RGS6: variants seen among roughly 807,000 people sequenced by gnomAD.
The protein encoded by RGS6 is regulator of G protein signaling 6.
RGS6 carries 30 observed loss-of-function variants against 78.5 expected under a neutral mutation model. The observed-to-expected ratio is 0.38, with a 90% CI of 0.29 to 0.52. The LOEUF (loss-of-function observed/expected upper bound fraction) is 0.52. Among genes scored for constraint, RGS6 ranks in the 20% least tolerant of loss-of-function variants. The pLI is 0.85. For synonymous variants in RGS6, 206 were observed against 206.0 expected (o/e 1.00, Z 0.00); for missense variants, 495 against 609.7 (o/e 0.81, Z 1.98).
chr14:72,088,786 C>T (rs995374413), intron 2 of RGS6, among the ~76,000 whole-genome samples: 8 of 152,220 alleles, frequency 5.3e-5, no homozygotes, highest in Non-Finnish European at 8.8e-5. Context: ...TTCCCCTCCT[C>T]ATCATGCCTT....
At chr14:72,610,801 C>A in the RGS6 span, among the ~76,000 whole-genome samples, 1 of 152,156 alleles carries the variant, frequency 6.6e-6, no homozygotes, top group African/African-American at 2.4e-5. Flanking sequence ...CCTGAGGGCT[C>A]AGGGCCCACC....
chr14:72,260,820 A>G (rs187635959), intron 2 of RGS6, among the ~76,000 whole-genome samples: 1 of 152,356 alleles, frequency 6.6e-6, no homozygotes, highest in Non-Finnish European at 1.5e-5. Context: ...AAGTTGCTAG[A>G]GCAGCCTGTG....
At chr14:72,572,646 G>T in the RGS6 span, among the ~76,000 whole-genome samples, 1 of 151,868 alleles carries the variant, frequency 6.6e-6, no homozygotes, top group South Asian at 2.1e-4. Context: ...AGACAACAAG[G>T]TGGGGTGGAA....
chr14:72,415,478 T>C (rs1452396729), intron 3 of RGS6, among the ~76,000 whole-genome samples: 1 of 152,260 alleles, frequency 6.6e-6, no homozygotes, highest in African/African-American at 2.4e-5. Context: ...CCTGACCCCT[T>C]GCGCTTCCTG....
At chr14:72,305,338 G>A (rs533485991) in intron 2 of RGS6, among the ~76,000 whole-genome samples, 4 of 152,244 alleles carry the variant, frequency 2.6e-5, no homozygotes, top group South Asian at 4.1e-4. Context: ...TCCAGTCTGT[G>A]TAGGAGAATC....
chr14:71,951,276 A>G lies in RGS6; in HGVS notation c.-20-13496A>G, dbSNP rs187040845. On this transcript the variant is annotated intron_variant, in intron 1 of 17. Transcript: ENST00000553525. Reference sequence around the variant, plus strand: ...TTGCAGGGTCGTGGATGGAGCGGAAATCCATTATCCCCAGCAAACAAACGC... The same window carrying G: ...TTGCAGGGTCGTGGATGGAGCGGAAGTCCATTATCCCCAGCAAACAAACGC... 6.6e-5 allele frequency among the ~76,000 whole-genome samples: 10 copies of G among 152,278 alleles called. No individual in the cohort carries two copies. The East Asian group carries it at 1.7e-3, about 26-fold the overall frequency.
intron 2 of RGS6, among the ~76,000 whole-genome samples, chr14:72,090,981 A>G (rs2095250343): frequency 7.2e-6 from 1 of 139,136 alleles, no homozygotes; most frequent in South Asian, 2.5e-4. Flanking sequence ...TTGCCCTATC[A>G]CCTTTAGTGA....
intron 6 of RGS6, among the ~76,000 whole-genome samples, chr14:72,463,784 G>T (rs888214209): frequency 6.6e-6 from 1 of 152,216 alleles, no homozygotes; most frequent in Non-Finnish European, 1.5e-5. Context: ...CCTGCCTGAG[G>T]TTGTCCCTAA....
At chr14:72,227,364 C>T (rs776772510) in intron 2 of RGS6, among the ~76,000 whole-genome samples, 6 of 152,198 alleles carry the variant, frequency 3.9e-5, no homozygotes, top group Non-Finnish European at 7.3e-5. Flanking sequence ...ATCCTCTCCC[C>T]TCAACCTCCT....
At chr14:72,037,464 C>A (rs996838826) in intron 2 of RGS6, among the ~76,000 whole-genome samples, 1 of 152,156 alleles carries the variant, frequency 6.6e-6, no homozygotes, top group Non-Finnish European at 1.5e-5. Context: ...GGAACAAACT[C>A]CAGACACACC....
At chr14:71,997,391 A>G (rs950120765) in intron 2 of RGS6, among the ~76,000 whole-genome samples, 1 of 152,192 alleles carries the variant, frequency 6.6e-6, no homozygotes, top group African/African-American at 2.4e-5. Context: ...TTTGAGATAC[A>G]GGTTTGAACA....
intron 12 of RGS6, among the ~76,000 whole-genome samples, chr14:72,492,629 C>T (rs189724487): frequency 6.6e-6 from 1 of 152,274 alleles, no homozygotes; most frequent in East Asian, 1.9e-4. Flanking sequence ...CTTCCATTCT[C>T]CTTTAGTTCA....
intron 2 of RGS6, among the ~76,000 whole-genome samples, chr14:72,270,776 G>A (rs2059815995): frequency 1.3e-5 from 2 of 152,144 alleles, no homozygotes; most frequent in African/African-American, 4.8e-5. Context: ...TACCTTTCAC[G>A]CAGTTACACC....
chr14:72,435,475 T>A (rs1023902339), intron 3 of RGS6, among the ~76,000 whole-genome samples: 1 of 152,208 alleles, frequency 6.6e-6, no homozygotes, highest in Non-Finnish European at 1.5e-5. Flanking sequence ...CAAAGATGTG[T>A]GTATGAGTTT....
intron 2 of RGS6, among the ~76,000 whole-genome samples, chr14:72,078,147 T>G (rs1008690511): frequency 1.3e-5 from 2 of 152,142 alleles, no homozygotes; most frequent in Non-Finnish European, 2.9e-5. Context: ...CACCCTCCAC[T>G]TTGTGCTGTT....
chr14:71,907,809 G>C, the RGS6 span, among the ~76,000 whole-genome samples: 1 of 152,124 alleles, frequency 6.6e-6, no homozygotes, highest in South Asian at 2.1e-4. Flanking sequence ...GAAATCAACA[G>C]GGATTGATGT....
chr14:72,599,401 T>G, the RGS6 span, among the ~76,000 whole-genome samples: 7,294 of 99,454 alleles, frequency 0.073, 2,040 homozygotes, highest in African/African-American at 0.18. Context: ...TCCTTTTTTT[T>G]TTTTTTTTTT....
intron 8 of RGS6, among the ~76,000 whole-genome samples, chr14:72,470,350 C>G (rs189467890): frequency 8.0e-4 from 122 of 152,268 alleles, no homozygotes; most frequent in African/African-American, 2.7e-3. Context: ...GAAGGTGTAC[C>G]TATTTCCCCA....
intron 13 of RGS6, among the ~76,000 whole-genome samples, chr14:72,503,038 G>T (rs991032498): frequency 6.6e-6 from 1 of 152,100 alleles, no homozygotes; most frequent in Non-Finnish European, 1.5e-5. Flanking sequence ...TTTTTTCACA[G>T]TTCTGGAGGC....
Sources: gnomAD v4.1 joint callset for allele counts (sites outside exome capture counted in the v4.1 genomes callset) on GRCh38, gnomAD v4.1.1 for gene constraint, MANE v1.5 for transcripts, NCBI Gene and HGNC (gene_info 2026-07-23, HGNC 2026-07-21) for gene names.